The following PLCZ1 variants were observed in gnomAD, a reference collection of about 807,000 sequenced individuals.
PLCZ1 encodes the protein phospholipase C zeta 1.
In PLCZ1, 64 loss-of-function variants were observed where a neutral mutation model predicts 76.8. The ratio of observed to expected loss-of-function variants is 0.83; its 90% CI spans 0.68 to 1.03. The LOEUF (loss-of-function observed/expected upper bound fraction) is 1.03. PLCZ1 is among the 50% of genes least tolerant of loss of function. The pLI, the probability that PLCZ1 is intolerant of heterozygous loss-of-function variation, is 0.00. For missense variants in PLCZ1, 751 were observed against 713.7 expected (o/e 1.05, Z -0.60); for synonymous variants, 248 against 230.8 (o/e 1.07, Z -0.68).
chr12:18,666,400 T>C, the PLCZ1 span, among the ~76,000 whole-genome samples: 4 of 152,096 alleles, frequency 2.6e-5, no homozygotes, highest in Non-Finnish European at 5.9e-5. Context: ...AATACATTTA[T>C]GCAAATAGTC....
At chr12:18,709,359 T>C (rs1370990013) in intron 6 of PLCZ1, among the ~76,000 whole-genome samples, 2 of 152,156 alleles carry the variant, frequency 1.3e-5, no homozygotes, top group African/African-American at 4.8e-5. Flanking sequence ...CTCTCTATTC[T>C]GTTCCACTGG....
chr12:18,704,931 G>A (rs2137309417), intron 7 of PLCZ1, among the ~76,000 whole-genome samples: 1 of 152,042 alleles, frequency 6.6e-6, no homozygotes, highest in Middle Eastern at 3.4e-3. Flanking sequence ...CCATGGGGTA[G>A]GAGACACAAT....
intron 5 of PLCZ1, chr12:18,714,940 T>C (rs1016218086): frequency 1.3e-5 from 2 of 151,730 alleles, no homozygotes; most frequent in South Asian, 2.1e-4. Context: ...CAAGTACTTA[T>C]ATAAAATCAG....
At chr12:18,681,370 C>A (rs1166729766), downstream of PLCZ1, among the ~76,000 whole-genome samples, 3 of 152,014 alleles carry the variant, frequency 2.0e-5, no homozygotes, top group Non-Finnish European at 4.4e-5. Flanking sequence ...GTTCATTTAG[C>A]CTTTTCCGAT....
chr12:18,651,977 G>A, the PLCZ1 span, among the ~76,000 whole-genome samples: 1 of 152,094 alleles, frequency 6.6e-6, no homozygotes, highest in East Asian at 1.9e-4. Context: ...CTCTCCAGGT[G>A]TTTAAAAAAG....
intron 12 of PLCZ1, among the ~76,000 whole-genome samples, chr12:18,691,717 A>C (rs1954114397): frequency 6.6e-6 from 1 of 152,180 alleles, no homozygotes. Context: ...TGTAAAGTGA[A>C]GTCAGTAGTT....
chr12:18,666,744 T>C, the PLCZ1 span, among the ~76,000 whole-genome samples: 3 of 152,152 alleles, frequency 2.0e-5, no homozygotes, highest in Non-Finnish European at 4.4e-5. Flanking sequence ...CACTCAACAA[T>C]AGCAGAATAC....
chr12:18,712,095 GT>G (rs1300986213), intron 6 of PLCZ1, among the ~76,000 whole-genome samples: 1 of 152,056 alleles, frequency 6.6e-6, no homozygotes, highest in Non-Finnish European at 1.5e-5. Context: ...ACATTACACA[GT>G]TTTAGTACGT....
At chr12:18,693,152 A>C (rs923033448) in intron 12 of PLCZ1, 2 of 1,526,732 alleles carry the variant, frequency 1.3e-6, no homozygotes, top group Non-Finnish European at 1.8e-6. Context: ...TCGTGTCTAC[A>C]TCTGTGGGCT....
rs1196886098 is a variant in PLCZ1, at chr12:18,687,972, T to C, written c.1591+117A>G. ...AACATTTTGCTAATTTTGGACATAA[T>C]GGAAAACCCTTGTCTTATGAATAAT... On this transcript the variant is annotated intron_variant, in intron 13 of 14. Coordinates refer to ENST00000266505, the MANE Select transcript of PLCZ1 (RefSeq NM_033123.4). The C allele has an allele frequency of 7.2e-6, 10 of 1,382,776 alleles. No individual in the cohort carries two copies. In the East Asian group the frequency reaches 2.4e-4, roughly 33 times the overall value. The allele number at this position is 1,382,776 out of a possible 1,614,324, so 85.7% of individuals were successfully genotyped here.
At chr12:18,705,918 T>C (rs979431822) in intron 6 of PLCZ1, among the ~76,000 whole-genome samples, 1 of 149,486 alleles carries the variant, frequency 6.7e-6, no homozygotes, top group African/African-American at 2.5e-5. Flanking sequence ...TATAAAGGAA[T>C]GATATAGACC....
chr12:18,654,715 G>A, the PLCZ1 span, among the ~76,000 whole-genome samples: 1 of 152,104 alleles, frequency 6.6e-6, no homozygotes, highest in African/African-American at 2.4e-5. Context: ...ATCAGCTCTT[G>A]GTCTGATAAG....
At chr12:18,726,286 A>T (rs1014310806) in intron 3 of PLCZ1, among the ~76,000 whole-genome samples, 4 of 152,220 alleles carry the variant, frequency 2.6e-5, no homozygotes, top group African/African-American at 9.6e-5. Context: ...ATCATTAAAC[A>T]TACAACATAA....
chr12:18,664,819 A>G, the PLCZ1 span, among the ~76,000 whole-genome samples: 1 of 151,800 alleles, frequency 6.6e-6, no homozygotes, highest in African/African-American at 2.4e-5. Context: ...ATGGAATACT[A>G]TGCAGCCACA....
downstream of PLCZ1, among the ~76,000 whole-genome samples, chr12:18,680,304 A>C (rs951764200): frequency 3.9e-5 from 6 of 152,036 alleles, no homozygotes; most frequent in African/African-American, 1.4e-4. Context: ...AGATTTACAC[A>C]AAGATTTTGA....
intron 3 of PLCZ1, 126 bp from the exon 4 acceptor site, chr12:18,723,668 T>TAC: frequency 1.2e-6 from 1 of 833,290 alleles, no homozygotes; most frequent in Non-Finnish European, 1.9e-6. Flanking sequence ...ATTGGATTCT[T>TAC]ATTGAAGATA....
In PLCZ1 at chr12:18,705,231, T is replaced by C. The variant is rs1340485141; in HGVS notation, c.799A>G (p.Thr267Ala). 2 of 1,613,904 alleles carry C rather than the reference T, an allele frequency of 1.2e-6. No homozygotes were observed. Among genetic ancestry groups the C allele is most frequent in the Non-Finnish European group, 1.7e-6 (2 of 1,179,986 alleles). The part of the protein sequence containing the change: ...QEVMADNLQA[T>A]FGESLLSDML... ...TCAGAAAGCAAGGACTCTCCAAAAG[T>C]AGCCTGCAAATTGTCTGCCATTACT... Residue 267 changes from threonine (T) to alanine (A), a missense_variant, in exon 7 of 15, where the codon ACT becomes GCT. Thr to Ala is a moderately conservative substitution (Grantham distance 58, BLOSUM62 0). Transcript: ENST00000266505.
At position 18,723,326 on chromosome 12, in the gene PLCZ1, C is replaced by T. The variant is rs149142969; in HGVS notation, c.352G>A (p.Glu118Lys). Residue 118 changes from glutamate (E) to lysine (K), a missense_variant, in exon 4 of 15, where the codon GAG becomes AAG. By Grantham distance (56) the Glu-to-Lys change is moderately conservative. Coordinates refer to ENST00000266505, the MANE Select transcript of PLCZ1 (RefSeq NM_033123.4). ...AIAFEIIQKY[E>K]PIEEVRKAHQ... ...GCAAACATACCTTCTTCGATAGGCT[C>T]GTATTTCTGAATGATCTCAAAAGCA... 2.5e-6 allele frequency: 4 copies of T among 1,611,086 alleles called. No homozygotes were observed. The highest frequency in any genetic ancestry group is 1.1e-5 in the South Asian group (1 of 90,902).
Position 18,700,033 on chromosome 12 carries a change from C to G in PLCZ1, c.1018-83G>C, listed in dbSNP as rs549457401. 8.9e-4 allele frequency: 989 copies of G among 1,109,032 alleles called. 5 individuals are homozygous for G. The highest frequency in any genetic ancestry group is 4.1e-3 in the Middle Eastern group (14 of 3,418). 68.7% of individuals were successfully genotyped at this position (1,109,032 alleles called of 1,614,324 possible). On this transcript the variant is annotated intron_variant, in intron 9 of 14. Coordinates refer to ENST00000266505, the MANE Select transcript of PLCZ1 (RefSeq NM_033123.4). Reference sequence around the variant, plus strand: ...TTTTCTAGTAAAGAAAATACACTTTCAAACAAATGATTTTCATCTTTTCAT... The same window carrying G: ...TTTTCTAGTAAAGAAAATACACTTTGAAACAAATGATTTTCATCTTTTCAT...
Sources: gnomAD v4.1 joint callset for allele counts (sites outside exome capture counted in the v4.1 genomes callset) on GRCh38, gnomAD v4.1.1 for gene constraint, MANE v1.5 for transcripts, NCBI Gene and HGNC (gene_info 2026-07-23, HGNC 2026-07-21) for gene names.